Variants in PLEKHG3 observed in about 807,000 individuals in gnomAD.
PLEKHG3 encodes pleckstrin homology and RhoGEF domain containing G3.
PLEKHG3 carries 62 observed loss-of-function variants against 94.9 expected under a neutral mutation model. The observed-to-expected ratio is 0.65, with a 90% CI of 0.53 to 0.81. The LOEUF is 0.81. Ranked by LOEUF, PLEKHG3 falls within the 30% of genes least tolerant of loss-of-function variation. The pLI is 0.00. For synonymous variants in PLEKHG3, 614 were observed against 654.0 expected, an observed-to-expected ratio of 0.94 and a Z score of 0.93; for missense variants, 1,461 against 1,619.3, an observed-to-expected ratio of 0.90 and a Z score of 1.68.
In PLEKHG3 at chr14:64,717,946, C is replaced by T. The variant is rs745934480; in HGVS notation, c.-39-9647C>T. Among the ~76,000 whole-genome samples the T allele has an allele frequency of 3.9e-5, 6 of 152,246 alleles. No homozygotes were observed. The highest frequency in any genetic ancestry group is 9.6e-5 in the African/African-American group (4 of 41,464). On this transcript the variant is annotated intron_variant, in intron 1 of 16. Transcript: ENST00000247226. This position sits in a 1 kb window ranked among gnomAD's most constrained non-coding sequence, Gnocchi z 4.7. ...GGATCTGTCCTTTCCCACAAAGCCACGTGGATTCCTTCCATCTGTCCTTGG... is the reference window on the plus strand; with the variant it reads ...GGATCTGTCCTTTCCCACAAAGCCATGTGGATTCCTTCCATCTGTCCTTGG...
intron 12 of PLEKHG3, among the ~76,000 whole-genome samples, chr14:64,733,678 C>T (rs79578638): frequency 0.012 from 1,769 of 152,318 alleles, 40 homozygotes; most frequent in African/African-American, 0.04. Context: ...CAAACCCAGA[C>T]AGGAAATATT....
Position 64,732,140 on chromosome 14 carries a change from A to G in PLEKHG3, c.1171A>G (p.Arg391Gly). 6.2e-7 allele frequency: 1 copy of G among 1,614,044 alleles called. No homozygotes were observed. The highest frequency in any genetic ancestry group is 2.2e-5 in the East Asian group (1 of 44,872). Residue 391 changes from arginine (R) to glycine (G), a missense_variant, in exon 10 of 17, where the codon AGG becomes GGG. Around this residue, in one of 3 missense-constraint regions of PLEKHG3, gnomAD observed 1,201 missense variants for 1,295.5 expected, o/e 0.93. Coordinates refer to ENST00000247226, the MANE Select transcript of PLEKHG3 (RefSeq NM_001308147.2). The surrounding 1 kb of genome is among the most constrained non-coding windows in gnomAD (Gnocchi z 4.9). ...ACGGAACTGGACTCACCACATCAAG[A>G]GGCTCATCCTAGAGAACCACCATGC... The part of the protein sequence containing the change: ...EKRNWTHHIK[R>G]LILENHHATI...
At position 64,716,456 on chromosome 14, in the gene PLEKHG3, ACACACACACAACAC is replaced by A. The variant is rs1566693806; in HGVS notation, c.-39-11136_-39-11123del. 2.2e-5 allele frequency among the ~76,000 whole-genome samples: 3 copies of A among 138,994 alleles called. No homozygotes were observed. The highest frequency in any genetic ancestry group is 8.2e-5 in the African/African-American group (3 of 36,534). The allele number at this position is 138,994 out of a possible 152,430, so 91.2% of individuals were successfully genotyped here. The stretch of plus-strand genomic sequence containing the variant: ...GCCCTACACACACACACACACACAC[ACACACACACAACAC>A]ACACACACACAACACACACACACAC... On this transcript the variant is annotated intron_variant, in intron 1 of 16. Coordinates refer to ENST00000247226, the MANE Select transcript of PLEKHG3 (RefSeq NM_001308147.2). This position sits in a 1 kb window ranked among gnomAD's most constrained non-coding sequence, Gnocchi z 5.0.
At position 64,731,060 on chromosome 14, in the gene PLEKHG3, A is replaced by T. The variant is rs764694924; in HGVS notation, c.740A>T (p.Glu247Val). Residue 247 changes from glutamate (E) to valine (V), a missense_variant, in exon 7 of 17, where the codon GAA (glutamate) becomes GTA (valine). Coordinates refer to ENST00000247226, the MANE Select transcript of PLEKHG3 (RefSeq NM_001308147.2). This position sits in a 1 kb window ranked among gnomAD's most constrained non-coding sequence, Gnocchi z 6.1. Reference sequence around the variant, plus strand: ...CAGGAAATTGCCAAGCATTTTGATGAAGAAGAGGATGGCTTTGAGGTGGTG... The same window carrying T: ...CAGGAAATTGCCAAGCATTTTGATGTAGAAGAGGATGGCTTTGAGGTGGTG... Reference protein sequence around the residue: ...LLQEIAKHFDEEEDGFEVVED... With the variant: ...LLQEIAKHFDVEEDGFEVVED... 1.9e-6 allele frequency: 3 copies of T among 1,613,988 alleles called. No homozygotes were observed. The highest frequency in any genetic ancestry group is 2.5e-6 in the Non-Finnish European group (3 of 1,180,002).
At chr14:64,714,898 T>G (rs572398409) in intron 1 of PLEKHG3, among the ~76,000 whole-genome samples, 1 of 151,692 alleles carries the variant, frequency 6.6e-6, no homozygotes, top group Admixed American at 6.5e-5. Flanking sequence ...CCAGAGGACC[T>G]GGGGGGAAAA....
At chr14:64,734,786 T>C (rs770762594) in intron 12 of PLEKHG3, among the ~76,000 whole-genome samples, 7 of 141,450 alleles carry the variant, frequency 4.9e-5, no homozygotes, top group Non-Finnish European at 7.7e-5. Context: ...AGTGGCACCA[T>C]CTCTACTCAC....
rs1566693902 is a variant in PLEKHG3 at position 64,716,467 on chromosome 14, A to ACCACACACACACACAC, written c.-39-11125_-39-11124insCACACACACACACACC. 8.6e-5 allele frequency among the ~76,000 whole-genome samples: 5 copies of ACCACACACACACACAC among 58,166 alleles called. No individual in the cohort carries two copies. The highest frequency in any genetic ancestry group is 2.9e-4 in the African/African-American group (5 of 17,138). The allele number at this position is 58,166 out of a possible 152,430, so 38.2% of individuals were successfully genotyped here. On this transcript the variant is annotated intron_variant, in intron 1 of 16. Coordinates refer to ENST00000247226, the MANE Select transcript of PLEKHG3 (RefSeq NM_001308147.2). The surrounding 1 kb of genome is among the most constrained non-coding windows in gnomAD (Gnocchi z 5.0). ...ACACACACACACACACACACACACA[A>ACCACACACACACACAC]CACACACACACACAACACACACACA...
chr14:64,724,912 T>G (rs1181493971), intron 1 of PLEKHG3, among the ~76,000 whole-genome samples: 3 of 152,228 alleles, frequency 2.0e-5, no homozygotes, highest in African/African-American at 7.2e-5. Context: ...AGAACCTACC[T>G]TCTGGAGTTG....
At position 64,728,992 on chromosome 14, in the gene PLEKHG3, G is replaced by A. The variant is rs987773667; in HGVS notation, c.352-4G>A. ...CTAGGTTCTGACCACCTCCCTCCAC[G>A]CAGGACTACCTCTTGAAGATCATTG... On this transcript the variant is annotated splice_polypyrimidine_tract_variant and splice_region_variant and intron_variant, in intron 2 of 16. Coordinates refer to ENST00000247226, the MANE Select transcript of PLEKHG3 (RefSeq NM_001308147.2). This position sits in a 1 kb window ranked among gnomAD's most constrained non-coding sequence, Gnocchi z 5.9. 42 of 1,406,248 alleles carry A rather than the reference G, an allele frequency of 3.0e-5. No homozygotes were observed. In the Admixed American group the frequency reaches 6.1e-4, roughly 21 times the overall value. 87.1% of individuals were successfully genotyped at this position (1,406,248 alleles called of 1,614,324 possible).
rs1566730573 is a variant in PLEKHG3, at chr14:64,750,209, T to A, written c.*6506T>A. The A allele has an allele frequency of 6.4e-7, 1 of 1,567,482 alleles. No individual in the cohort carries two copies. Among genetic ancestry groups the A allele is most frequent in the African/African-American group, 1.4e-5 (1 of 73,512 alleles). On this transcript the variant is annotated 3_prime_UTR_variant, in exon 17 of 17. Coordinates refer to ENST00000247226, the MANE Select transcript of PLEKHG3 (RefSeq NM_001308147.2). ...ACATCCTGATATGGTATCTCTAGAG[T>A]CAATTCCTATAGCTTCACCATTAAA...
rs2081126411 is a variant in PLEKHG3 at position 64,715,563 on chromosome 14, C to T, written c.-40+10859C>T. On this transcript the variant is annotated intron_variant, in intron 1 of 16. Coordinates refer to ENST00000247226, the MANE Select transcript of PLEKHG3 (RefSeq NM_001308147.2). This position sits in a 1 kb window ranked among gnomAD's most constrained non-coding sequence, Gnocchi z 4.4. ...CACCTGCCTTTCCTCTCTGCCCCCACTATTGTGAGGGCAGAAGGGTTAATT... is the reference window on the plus strand; with the variant it reads ...CACCTGCCTTTCCTCTCTGCCCCCATTATTGTGAGGGCAGAAGGGTTAATT... 2 of 154,956 alleles carry T rather than the reference C, an allele frequency of 1.3e-5. No homozygotes were observed. The highest frequency in any genetic ancestry group is 3.8e-4 in the South Asian group (2 of 5,274). The allele number at this position is 154,956 out of a possible 1,614,324, so 9.6% of individuals were successfully genotyped here.
Position 64,749,519 on chromosome 14 carries a change from C to G in PLEKHG3, c.*5816C>G. 1 of 1,597,680 alleles carries G rather than the reference C, an allele frequency of 6.3e-7. No individual in the cohort carries two copies. The highest frequency in any genetic ancestry group is 1.1e-5 in the South Asian group (1 of 90,638). ...GTGGAGTCTGGAGGCCCACAGCCCC[C>G]CACCTCCCGGGCCAGGCAACAATGG... On this transcript the variant is annotated 3_prime_UTR_variant, in exon 17 of 17. Transcript: ENST00000247226. This position sits in a 1 kb window ranked among gnomAD's most constrained non-coding sequence, Gnocchi z 4.7.
At position 64,738,691 on chromosome 14, in the gene PLEKHG3, G is replaced by A. The variant is rs1188986236; in HGVS notation, c.1405-51G>A. Reference sequence around the variant, plus strand: ...CACTGCCCGTGTTGGGATGCAGAAGGGATCAGCTTCCAGTTGTCTTGGAGT... The same window carrying A: ...CACTGCCCGTGTTGGGATGCAGAAGAGATCAGCTTCCAGTTGTCTTGGAGT... On this transcript the variant is annotated intron_variant, in intron 14 of 16. Transcript: ENST00000247226. The surrounding 1 kb of genome is among the most constrained non-coding windows in gnomAD (Gnocchi z 4.8). 10 of 1,272,708 alleles carry A rather than the reference G, an allele frequency of 7.9e-6. No homozygotes were observed. Among genetic ancestry groups the A allele is most frequent in the Non-Finnish European group, 1.1e-6 (1 of 892,412 alleles). The allele number at this position is 1,272,708 out of a possible 1,614,324, so 78.8% of individuals were successfully genotyped here. A position where few individuals can be genotyped will look rare whatever the true frequency, so the allele number is the denominator to read the frequency against.
chr14:64,748,936 CTTTT>C lies in PLEKHG3; in HGVS notation c.*5248_*5251del, dbSNP rs34353769. 1.8e-3 allele frequency: 233 copies of C among 128,640 alleles called. No individual in the cohort carries two copies. The highest frequency in any genetic ancestry group is 5.2e-3 in the South Asian group (23 of 4,424). 8.0% of individuals were successfully genotyped at this position (128,640 alleles called of 1,614,324 possible). ...AGAACCCCATCAGCCTTCTCCAGCT[CTTTT>C]TTTTTTTTTTTTTTGGTTGGGGGTA... is the stretch of plus-strand genomic sequence containing the variant. On this transcript the variant is annotated 3_prime_UTR_variant, in exon 17 of 17. Coordinates refer to ENST00000247226, the MANE Select transcript of PLEKHG3 (RefSeq NM_001308147.2).
At position 64,738,313 on chromosome 14, in the gene PLEKHG3, C is replaced by A; in HGVS notation, c.1405-429C>A. The A allele has an allele frequency of 1.4e-6, 1 of 739,582 alleles. No homozygotes were observed. The highest frequency in any genetic ancestry group is 2.0e-6 in the Non-Finnish European group (1 of 509,926). 45.8% of individuals were successfully genotyped at this position (739,582 alleles called of 1,614,324 possible). On this transcript the variant is annotated intron_variant, in intron 14 of 16. Transcript: ENST00000247226. The surrounding 1 kb of genome is among the most constrained non-coding windows in gnomAD (Gnocchi z 4.8). Reference sequence around the variant, plus strand: ...AGGGCCCCCTCTGCTGCCCTCCTCACCCCACCCTGCCCTGGTTTTACTCCT... The same window carrying A: ...AGGGCCCCCTCTGCTGCCCTCCTCAACCCACCCTGCCCTGGTTTTACTCCT...
At chr14:64,714,454 T>A (rs919192970) in intron 1 of PLEKHG3, among the ~76,000 whole-genome samples, 3 of 152,202 alleles carry the variant, frequency 2.0e-5, no homozygotes, top group African/African-American at 7.2e-5. Flanking sequence ...CTGTTTTCCC[T>A]CCTCTATCTT....
In PLEKHG3 at chr14:64,736,905, G is replaced by A; in HGVS notation, c.1384+14G>A. 4 of 1,608,506 alleles carry A rather than the reference G, an allele frequency of 2.5e-6. No homozygotes were observed. The highest frequency in any genetic ancestry group is 3.4e-6 in the Non-Finnish European group (4 of 1,175,040). On this transcript the variant is annotated intron_variant, in intron 13 of 16. Transcript: ENST00000247226. ...TCAACGAGAAAGGTGAGTGTGTGAG[G>A]TGGCCAGCCATTCCCAGTGAGCGGG...
In PLEKHG3 at chr14:64,730,183, C is replaced by A; in HGVS notation, c.450-60C>A. On this transcript the variant is annotated intron_variant, in intron 3 of 16. Coordinates refer to ENST00000247226, the MANE Select transcript of PLEKHG3 (RefSeq NM_001308147.2). This position sits in a 1 kb window ranked among gnomAD's most constrained non-coding sequence, Gnocchi z 5.4. ...AGGGTTTGGGAGGTTGGGGAGGGGGCAGTGAGGGGCATTGTCCTCTGACTG... is the reference window on the plus strand; with the variant it reads ...AGGGTTTGGGAGGTTGGGGAGGGGGAAGTGAGGGGCATTGTCCTCTGACTG... The A allele has an allele frequency of 1.1e-6, 1 of 882,686 alleles. No individual in the cohort carries two copies. Among genetic ancestry groups the A allele is most frequent in the Non-Finnish European group, 1.8e-6 (1 of 552,118 alleles). The allele number at this position is 882,686 out of a possible 1,614,324, so 54.7% of individuals were successfully genotyped here.
chr14:64,728,327 G>A lies in PLEKHG3; in HGVS notation c.351+345G>A, dbSNP rs776324880. Among the ~76,000 whole-genome samples the A allele has an allele frequency of 3.9e-5, 6 of 152,206 alleles. No homozygotes were observed. The highest frequency in any genetic ancestry group is 5.9e-5 in the Non-Finnish European group (4 of 68,036). On this transcript the variant is annotated intron_variant, in intron 2 of 16. Coordinates refer to ENST00000247226, the MANE Select transcript of PLEKHG3 (RefSeq NM_001308147.2). The surrounding 1 kb of genome is among the most constrained non-coding windows in gnomAD (Gnocchi z 5.9). ...CTGCCCTGTTGTTTCCTGGCTGTGC[G>A]GAGCCTCAGGTTCCTCCTCTGTAAG...
Sources: allele counts gnomAD v4.1 joint callset (sites outside exome capture counted in the v4.1 genomes callset), GRCh38; gene constraint gnomAD v4.1.1; regional missense constraint gnomAD v4.1.1; non-coding constraint Gnocchi (gnomAD v3.1); transcripts MANE v1.5; gene names NCBI Gene and HGNC (gene_info 2026-07-23, HGNC 2026-07-21).